The following TASP1 variants were observed in gnomAD, a reference collection of about 807,000 sequenced individuals.
The protein encoded by TASP1 is taspase 1.
A neutral mutation model predicts 56.6 loss-of-function variants in TASP1; 16 were observed. The ratio of observed to expected loss-of-function variants is 0.28; its 90% CI spans 0.19 to 0.43. The LOEUF (loss-of-function observed/expected upper bound fraction) is 0.43. TASP1 is among the 20% of genes least tolerant of loss of function. The pLI is 1.00. For missense variants in TASP1, 393 were observed against 511.6 expected, an observed-to-expected ratio of 0.77 and a Z score of 2.24; for synonymous variants, 179 against 184.2, an observed-to-expected ratio of 0.97 and a Z score of 0.23.
In TASP1 at chr20:13,519,108, T is replaced by C. The variant is rs2044641504; in HGVS notation, c.874+9325A>G. Among the ~76,000 whole-genome samples, 3 of 152,118 alleles carry C rather than the reference T, an allele frequency of 2.0e-5. No homozygotes were observed. The South Asian group carries it at 6.2e-4, about 32-fold the overall frequency. On this transcript the variant is annotated intron_variant, in intron 10 of 13. Transcript: ENST00000337743. ...ACCAAATACCCTATATTCTCACTTATATGTGGCAGCTACACATTGGGTACA... is the reference window on the plus strand; with the variant it reads ...ACCAAATACCCTATATTCTCACTTACATGTGGCAGCTACACATTGGGTACA...
chr20:13,137,663 G>T, the TASP1 span, among the ~76,000 whole-genome samples: 23 of 152,114 alleles, frequency 1.5e-4, no homozygotes, highest in Non-Finnish European at 1.9e-4. Flanking sequence ...TCTGTTCATT[G>T]AAGTAGTTCA....
chr20:13,157,048 G>A, the TASP1 span, among the ~76,000 whole-genome samples: 1 of 152,088 alleles, frequency 6.6e-6, no homozygotes, highest in African/African-American at 2.4e-5. Flanking sequence ...CTAAATATAT[G>A]CTAAGTAAGG....
intron 8 of TASP1, among the ~76,000 whole-genome samples, chr20:13,548,496 T>A (rs1568569388): frequency 1.3e-5 from 2 of 152,162 alleles, no homozygotes; most frequent in Non-Finnish European, 2.9e-5. Flanking sequence ...TAAACCTTCA[T>A]TAAATAGCTG....
chr20:13,212,628 C>A, the TASP1 span, among the ~76,000 whole-genome samples: 1 of 152,076 alleles, frequency 6.6e-6, no homozygotes, highest in Admixed American at 6.6e-5. Flanking sequence ...ACCTTTATTC[C>A]AAAACACTAC....
At chr20:13,331,521 G>A in the TASP1 span, among the ~76,000 whole-genome samples, 1 of 152,098 alleles carries the variant, frequency 6.6e-6, no homozygotes, top group African/African-American at 2.4e-5. Context: ...CCCCATTTCT[G>A]ATAAAGAAAA....
At chr20:13,357,532 T>G in the TASP1 span, among the ~76,000 whole-genome samples, 1 of 152,160 alleles carries the variant, frequency 6.6e-6, no homozygotes, top group Non-Finnish European at 1.5e-5. Flanking sequence ...AAACCCCTGA[T>G]AAGAAGGGGA....
the TASP1 span, among the ~76,000 whole-genome samples, chr20:13,304,385 C>G: frequency 6.6e-6 from 1 of 152,214 alleles, no homozygotes; most frequent in Non-Finnish European, 1.5e-5. Context: ...CACTCCCCCA[C>G]TGTCTTCCAC....
intron 10 of TASP1, among the ~76,000 whole-genome samples, chr20:13,506,760 C>T (rs559419770): frequency 3.9e-5 from 6 of 151,950 alleles, no homozygotes; most frequent in Non-Finnish European, 7.4e-5. Context: ...CAATAAAGAC[C>T]TCAACTTCAA....
chr20:13,583,974 G>A (rs1225066121), intron 5 of TASP1, among the ~76,000 whole-genome samples: 1 of 152,132 alleles, frequency 6.6e-6, no homozygotes, highest in Non-Finnish European at 1.5e-5. Flanking sequence ...AGTTACTCAG[G>A]AGGCTGAGGC....
At chr20:13,597,616 T>C (rs1457003809) in intron 4 of TASP1, among the ~76,000 whole-genome samples, 4 of 152,184 alleles carry the variant, frequency 2.6e-5, no homozygotes, top group Non-Finnish European at 4.4e-5. Flanking sequence ...CTTTGAAAAC[T>C]GGCACAAGAC....
At chr20:13,446,975 T>C (rs2043435387) in intron 11 of TASP1, among the ~76,000 whole-genome samples, 1 of 152,186 alleles carries the variant, frequency 6.6e-6, no homozygotes, top group Non-Finnish European at 1.5e-5. Context: ...TTTTTTGCCA[T>C]TGCAAGTAAT....
intron 13 of TASP1, chr20:13,392,810 T>C (rs1364729138): frequency 1.6e-6 from 1 of 633,426 alleles, no homozygotes; most frequent in Non-Finnish European, 3.0e-6. Flanking sequence ...ATAGTCTACA[T>C]GTTCCCATAT....
At chr20:13,217,871 T>G in the TASP1 span, among the ~76,000 whole-genome samples, 1 of 152,216 alleles carries the variant, frequency 6.6e-6, no homozygotes, top group Non-Finnish European at 1.5e-5. Context: ...CAAGGTTCAA[T>G]GCAGATATTC....
At chr20:13,403,353 G>A (rs2041807973) in intron 13 of TASP1, among the ~76,000 whole-genome samples, 1 of 152,092 alleles carries the variant, frequency 6.6e-6, no homozygotes, top group African/African-American at 2.4e-5. Context: ...TGCCACCTTT[G>A]GGAGCATAAC....
intron 7 of TASP1, among the ~76,000 whole-genome samples, chr20:13,560,212 A>G (rs111515721): frequency 7.9e-5 from 12 of 152,346 alleles, no homozygotes; most frequent in African/African-American, 2.9e-4. Context: ...TGATAATGGC[A>G]GACTAAGTTA....
chr20:13,596,268 G>A (rs1056895979), intron 4 of TASP1, among the ~76,000 whole-genome samples: 4 of 151,854 alleles, frequency 2.6e-5, no homozygotes, highest in Admixed American at 6.6e-5. Flanking sequence ...CCACATACTC[G>A]GGGGGCTGAG....
intron 10 of TASP1, among the ~76,000 whole-genome samples, chr20:13,507,413 G>T (rs188340636): frequency 1.8e-4 from 27 of 152,134 alleles, no homozygotes; most frequent in African/African-American, 6.0e-4. Context: ...CGTGTCCGTA[G>T]TCCCACCTAT....
At chr20:13,282,057 C>T in the TASP1 span, among the ~76,000 whole-genome samples, 1 of 152,188 alleles carries the variant, frequency 6.6e-6, no homozygotes. Context: ...TCCGTTTGAA[C>T]AAGCCCTCCA....
intron 11 of TASP1, among the ~76,000 whole-genome samples, chr20:13,437,814 A>G (rs1414416822): frequency 2.0e-5 from 3 of 152,320 alleles, no homozygotes; most frequent in African/African-American, 7.2e-5. Flanking sequence ...GACGTGAAGG[A>G]CCTCTTCAAG....
Sources: gnomAD v4.1 joint callset for allele counts (sites outside exome capture counted in the v4.1 genomes callset) on GRCh38, gnomAD v4.1.1 for gene constraint, MANE v1.5 for transcripts, NCBI Gene and HGNC (gene_info 2026-07-23, HGNC 2026-07-21) for gene names.